The following GNB4 variants were observed in gnomAD, a reference collection of about 807,000 sequenced individuals.
GNB4 encodes the protein G protein subunit beta 4.
Under a neutral mutation model 45.2 loss-of-function variants are expected in GNB4, and 28 were observed. The ratio of observed to expected loss-of-function variants is 0.62; its 90% CI spans 0.46 to 0.85. GNB4 has a LOEUF of 0.85. Among genes scored for constraint, GNB4 ranks in the 40% least tolerant of loss-of-function variants. The pLI is 0.00. For missense variants in GNB4, 321 were observed against 425.4 expected (o/e 0.75, Z 2.16); for synonymous variants, 132 against 143.7 (o/e 0.92, Z 0.58).
intron 1 of GNB4, among the ~76,000 whole-genome samples, chr3:179,442,715 A>G (rs1715624162): frequency 6.6e-6 from 1 of 151,722 alleles, no homozygotes; most frequent in South Asian, 2.1e-4. Flanking sequence ...GCAGCCTTGA[A>G]CCCAGTGGCT....
intron 1 of GNB4, chr3:179,450,967 G>A (rs946333932): frequency 4.6e-5 from 7 of 152,256 alleles, no homozygotes; most frequent in African/African-American, 1.7e-4. Flanking sequence ...GTTATTTTGG[G>A]GGCACGCACG....
At chr3:179,509,208 C>T in the GNB4 span, among the ~76,000 whole-genome samples, 3 of 150,302 alleles carry the variant, frequency 2.0e-5, no homozygotes, top group Non-Finnish European at 3.0e-5. Context: ...CACACATATA[C>T]GGCACCTTGC....
chr3:179,413,719 T>C lies in GNB4; in HGVS notation c.493A>G (p.Thr165Ala), dbSNP rs748257526. Residue 165 changes from threonine to alanine, a missense_variant, in exon 7 of 10, where the codon ACT becomes GCT. By Grantham distance (58) the Thr-to-Ala change is moderately conservative. Coordinates refer to ENST00000232564, the MANE Select transcript of GNB4 (RefSeq NM_021629.4). ...SQIVTSSGDT[T>A]CALWDIETAQ... ...GTGCTTCTGGAATAAACTTACCAAG[T>C]TGTATCTCCTGAACTTGTAACAATT... 2.5e-6 allele frequency: 4 copies of C among 1,614,148 alleles called. No individual in the cohort carries two copies. In the South Asian group the frequency reaches 4.4e-5, roughly 18 times the overall value.
the GNB4 span, among the ~76,000 whole-genome samples, chr3:179,520,688 T>C: frequency 6.6e-6 from 1 of 152,100 alleles, no homozygotes; most frequent in Non-Finnish European, 1.5e-5. Context: ...ACAGTTACCA[T>C]TGTTCCTGGC....
At chr3:179,451,877 G>A (rs921614825), upstream of GNB4, among the ~76,000 whole-genome samples, 2 of 152,148 alleles carry the variant, frequency 1.3e-5, no homozygotes, top group African/African-American at 4.8e-5. Flanking sequence ...CCCCATTTAG[G>A]TTTCCCATTC....
chr3:179,513,706 T>C, the GNB4 span, among the ~76,000 whole-genome samples: 1 of 152,200 alleles, frequency 6.6e-6, no homozygotes, highest in Admixed American at 6.5e-5. Flanking sequence ...CAATGTTCTC[T>C]CTCCCACCTA....
the GNB4 span, chr3:179,464,490 A>T: frequency 6.2e-7 from 1 of 1,611,506 alleles, no homozygotes; most frequent in Admixed American, 1.7e-5. Context: ...GGCCCAGCAG[A>T]TCAAGCAGGA....
Position 179,444,716 on chromosome 3 carries a change from A to G in GNB4, c.-43+6630T>C, listed in dbSNP as rs7616850. On this transcript the variant is annotated intron_variant, in intron 1 of 9. Coordinates refer to ENST00000232564, the MANE Select transcript of GNB4 (RefSeq NM_021629.4). ...GACAGAGAGAGACTCTGTCTCAAAA[A>G]GTATATACATGCATACATATATAAT... Among the ~76,000 whole-genome samples, 993 of 152,302 alleles carry G rather than the reference A, an allele frequency of 6.5e-3. 13 individuals are homozygous for G. Among genetic ancestry groups the G allele is most frequent in the African/African-American group, 0.023 (945 of 41,554 alleles).
At chr3:179,498,744 G>GCTTGTTTTTTTTTTTTTTTTTTT in the GNB4 span, among the ~76,000 whole-genome samples, 1 of 80,340 alleles carries the variant, frequency 1.2e-5, no homozygotes, top group Non-Finnish European at 2.4e-5. Context: ...GTTGGTTGAG[G>GCTTGTTTTTTTTTTTTTTTTTTT]TTTGGTTTTT....
the GNB4 span, among the ~76,000 whole-genome samples, chr3:179,486,682 G>A: frequency 1.3e-5 from 2 of 152,202 alleles, no homozygotes; most frequent in African/African-American, 4.8e-5. Context: ...GAAGCCCAAA[G>A]AGAGAATCTG....
rs1392658431 is a variant in GNB4, at chr3:179,397,909, T to G, written c.*3304A>C. ...CCACGCCCGGCTAATTTTTGTATTT[T>G]TAGTAGAGATGGGGTTTCACCATCT... On this transcript the variant is annotated 3_prime_UTR_variant, in exon 10 of 10. Coordinates refer to ENST00000232564, the MANE Select transcript of GNB4 (RefSeq NM_021629.4). 1 of 152,184 alleles carries G rather than the reference T, an allele frequency of 6.6e-6. No individual in the cohort carries two copies. Among genetic ancestry groups the G allele is most frequent in the Non-Finnish European group, 1.5e-5 (1 of 68,050 alleles). The allele number at this position is 152,184 out of a possible 1,614,324, so 9.4% of individuals were successfully genotyped here. A position where few individuals can be genotyped will look rare whatever the true frequency, so the allele number is the denominator to read the frequency against.
intron 6 of GNB4, 86 bp downstream of exon 6, chr3:179,414,799 G>T: frequency 1.8e-6 from 2 of 1,113,062 alleles, no homozygotes; most frequent in Non-Finnish European, 2.5e-6. Flanking sequence ...CCTTTAGCCA[G>T]CCGAGCACAA....
At chr3:179,458,876 C>G in the GNB4 span, among the ~76,000 whole-genome samples, 1 of 152,070 alleles carries the variant, frequency 6.6e-6, no homozygotes, top group Non-Finnish European at 1.5e-5. Context: ...CATCTAGGAA[C>G]AGTGCAGAAT....
chr3:179,410,939 A>G (rs1452611154), intron 8 of GNB4, among the ~76,000 whole-genome samples: 1 of 152,216 alleles, frequency 6.6e-6, no homozygotes, highest in Non-Finnish European at 1.5e-5. Context: ...AGTTCACTCA[A>G]AAAGAAATGG....
chr3:179,431,293 A>C (rs1715301046), intron 1 of GNB4, among the ~76,000 whole-genome samples: 1 of 152,160 alleles, frequency 6.6e-6, no homozygotes, highest in South Asian at 2.1e-4. Flanking sequence ...GCAGTTGCTC[A>C]TACCTGTAAT....
At chr3:179,453,165 G>A (rs879578391), upstream of GNB4, among the ~76,000 whole-genome samples, 7 of 152,042 alleles carry the variant, frequency 4.6e-5, no homozygotes, top group African/African-American at 9.7e-5. Context: ...GTTTTGAGAC[G>A]GAGTCACTGT....
At chr3:179,428,655 T>A (rs1404930757) in intron 1 of GNB4, among the ~76,000 whole-genome samples, 1 of 152,308 alleles carries the variant, frequency 6.6e-6, no homozygotes, top group East Asian at 1.9e-4. Flanking sequence ...CGGGACTTTT[T>A]AAAAATTTGC....
intron 2 of GNB4, 30 bp from the exon 3 acceptor site, chr3:179,420,957 T>C (rs753745200): frequency 1.6e-5 from 22 of 1,337,960 alleles, no homozygotes; most frequent in African/African-American, 2.9e-5. Flanking sequence ...TTATAATGCA[T>C]TTAGCAACCT....
At chr3:179,434,638 T>C (rs886691950) in intron 1 of GNB4, among the ~76,000 whole-genome samples, 1 of 151,786 alleles carries the variant, frequency 6.6e-6, no homozygotes, top group Non-Finnish European at 1.5e-5. Context: ...TGAGAATTGC[T>C]TGAACCTCGG....
Sources: gnomAD v4.1 joint callset for allele counts (sites outside exome capture counted in the v4.1 genomes callset) on GRCh38, gnomAD v4.1.1 for gene constraint, MANE v1.5 for transcripts, NCBI Gene and HGNC (gene_info 2026-07-23, HGNC 2026-07-21) for gene names.